The following OSBPL3 variants were observed in gnomAD, a reference collection of about 807,000 sequenced individuals.
OSBPL3 encodes oxysterol-binding protein-related protein 3.
In OSBPL3, 65 loss-of-function variants were observed where a neutral mutation model predicts 120.1. The ratio of observed to expected loss-of-function variants is 0.54; its 90% CI spans 0.44 to 0.67. The LOEUF (loss-of-function observed/expected upper bound fraction) is 0.67, where lower values mean the gene tolerates loss of function less well. Among genes scored for constraint, OSBPL3 ranks in the 30% least tolerant of loss-of-function variants. The probability of loss-of-function intolerance (pLI) is 0.00; values close to 1 mark genes in which losing one functional copy is unlikely to be tolerated. For synonymous variants in OSBPL3, 416 were observed against 402.6 expected, an observed-to-expected ratio of 1.03 and a Z score of -0.40; for missense variants, 1,004 against 1,082.1, an observed-to-expected ratio of 0.93 and a Z score of 1.01.
rs533429335 is a variant in OSBPL3 at position 24,862,896 on chromosome 7, C to G, written c.870+304G>C. Among the ~76,000 whole-genome samples, 1 of 152,294 alleles carries G rather than the reference C, an allele frequency of 6.6e-6. No individual in the cohort carries two copies. Among genetic ancestry groups the G allele is most frequent in the African/African-American group, 2.4e-5 (1 of 41,570 alleles). ...GCACAAACACAAGCAGGGAAGAGCACAGGCAGGCTCAACAGTGAAGGTGGG... is the reference window on the plus strand; with the variant it reads ...GCACAAACACAAGCAGGGAAGAGCAGAGGCAGGCTCAACAGTGAAGGTGGG... On this transcript the variant is annotated intron_variant, in intron 9 of 22. Transcript: ENST00000313367. This position sits in a 1 kb window ranked among gnomAD's most constrained non-coding sequence, Gnocchi z 4.4.
chr7:24,941,776 G>C lies in OSBPL3; in HGVS notation c.-150+38110C>G, dbSNP rs2128483354. Among the ~76,000 whole-genome samples the C allele has an allele frequency of 2.0e-5, 3 of 152,302 alleles. No individual in the cohort carries two copies. The South Asian group carries it at 6.2e-4, about 32-fold the overall frequency. On this transcript the variant is annotated intron_variant, in intron 1 of 22. Transcript: ENST00000313367. ...CTGAAGTGTAATACATCATTGCATGGAATTCTAAATGCAAAACTTGTGAAC... is the reference window on the plus strand; with the variant it reads ...CTGAAGTGTAATACATCATTGCATGCAATTCTAAATGCAAAACTTGTGAAC...
chr7:24,919,951 C>T (rs917018881), intron 1 of OSBPL3, among the ~76,000 whole-genome samples: 9 of 151,862 alleles, frequency 5.9e-5, no homozygotes, highest in Admixed American at 5.9e-4. Context: ...AAATCAAAAC[C>T]ACAATGATGT....
intron 19 of OSBPL3, 47 bp from the exon 20 acceptor site, chr7:24,809,998 T>C (rs1793572965): frequency 6.2e-7 from 1 of 1,600,742 alleles, no homozygotes; most frequent in Non-Finnish European, 8.6e-7. Flanking sequence ...CATCAGCTTA[T>C]TACAGATATT....
At position 24,865,334 on chromosome 7, in the gene OSBPL3, C is replaced by A; in HGVS notation, c.673+8G>T. The A allele has an allele frequency of 1.2e-6, 2 of 1,613,502 alleles. No homozygotes were observed. Among genetic ancestry groups the A allele is most frequent in the South Asian group, 2.2e-5 (2 of 90,936 alleles). On this transcript the variant is annotated splice_region_variant and intron_variant, in intron 7 of 22. Coordinates refer to ENST00000313367, the MANE Select transcript of OSBPL3 (RefSeq NM_015550.4). ...ACAACAGAAAGCAGACGTTTCAAGT[C>A]ACTCTACCTTTGGAGCATTTTTCCA...
rs978319267 is a variant in OSBPL3 at position 24,953,597 on chromosome 7, T to G, written c.-150+26289A>C. ...TAGGCACATTAGGAAGCAGTCAGAT[T>G]GTATCAGTGATCAAACAGTTCAGAC... On this transcript the variant is annotated intron_variant, in intron 1 of 22. Coordinates refer to ENST00000313367, the MANE Select transcript of OSBPL3 (RefSeq NM_015550.4). This position sits in a 1 kb window ranked among gnomAD's most constrained non-coding sequence, Gnocchi z 4.3. Among the ~76,000 whole-genome samples, 1 of 152,190 alleles carries G rather than the reference T, an allele frequency of 6.6e-6. No individual in the cohort carries two copies. Among genetic ancestry groups the G allele is most frequent in the Non-Finnish European group, 1.5e-5 (1 of 68,020 alleles).
rs1242232630 is a variant in OSBPL3, at chr7:24,803,146, G to A, written c.2567+1169C>T. On this transcript the variant is annotated intron_variant, in intron 22 of 22. Coordinates refer to ENST00000313367, the MANE Select transcript of OSBPL3 (RefSeq NM_015550.4). The surrounding 1 kb of genome is among the most constrained non-coding windows in gnomAD (Gnocchi z 4.2). ...TGTTATTAATAACTAAATCCTAAAA[G>A]TACTTCTGTTGTCCACTAAAAACAA... Among the ~76,000 whole-genome samples the A allele has an allele frequency of 6.6e-6, 1 of 152,102 alleles. No homozygotes were observed. Among genetic ancestry groups the A allele is most frequent in the Non-Finnish European group, 1.5e-5 (1 of 68,020 alleles).
Position 24,898,699 on chromosome 7 carries a change from CTGGA to C in OSBPL3, c.-149-6082_-149-6079del, listed in dbSNP as rs1478016640. ...AATGGTATCTGGCTGTCAGTTTAGG[CTGGA>C]ACCATTTATTTGTCATCACTGAGTA... is the stretch of plus-strand genomic sequence containing the variant. On this transcript the variant is annotated intron_variant, in intron 1 of 22. Coordinates refer to ENST00000313367, the MANE Select transcript of OSBPL3 (RefSeq NM_015550.4). This position sits in a 1 kb window ranked among gnomAD's most constrained non-coding sequence, Gnocchi z 4.3. Among the ~76,000 whole-genome samples, 3 of 152,130 alleles carry C rather than the reference CTGGA, an allele frequency of 2.0e-5. No individual in the cohort carries two copies. The highest frequency in any genetic ancestry group is 2.4e-5 in the African/African-American group (1 of 41,420).
intron 2 of OSBPL3, among the ~76,000 whole-genome samples, chr7:24,889,854 G>A (rs1805081444): frequency 6.6e-6 from 1 of 152,206 alleles, no homozygotes; most frequent in South Asian, 2.1e-4. Context: ...AGGGAGAGGT[G>A]AGAAGGGAGA....
At chr7:24,960,961 A>T (rs1815661877) in intron 1 of OSBPL3, among the ~76,000 whole-genome samples, 1 of 152,240 alleles carries the variant, frequency 6.6e-6, no homozygotes, top group Non-Finnish European at 1.5e-5. Context: ...GAAATTTGCA[A>T]AAGGCAGGTA....
chr7:24,979,715 A>G (rs1235254563), intron 1 of OSBPL3, among the ~76,000 whole-genome samples, 171 bp downstream of exon 1: 2 of 151,960 alleles, frequency 1.3e-5, no homozygotes, highest in Non-Finnish European at 2.9e-5. Flanking sequence ...CCGGCACCCA[A>G]GCTCCCAGGC....
intron 1 of OSBPL3, among the ~76,000 whole-genome samples, chr7:24,949,500 C>T (rs1438592309): frequency 2.6e-5 from 4 of 152,150 alleles, no homozygotes; most frequent in African/African-American, 9.7e-5. Context: ...ATAATCAATC[C>T]ATTTTGGATG....
chr7:24,893,736 C>T (rs1039614806), intron 1 of OSBPL3, among the ~76,000 whole-genome samples: 9 of 57,076 alleles, frequency 1.6e-4, no homozygotes, highest in South Asian at 6.0e-4. Flanking sequence ...CGCTTGAAAC[C>T]GGGCGGCGGG....
intron 1 of OSBPL3, among the ~76,000 whole-genome samples, chr7:24,925,800 A>G (rs1264268673): frequency 6.6e-6 from 1 of 152,224 alleles, no homozygotes; most frequent in Non-Finnish European, 1.5e-5. Flanking sequence ...TTAAACCTCA[A>G]TGTTGCTAGA....
intron 12 of OSBPL3, 50 bp from the exon 13 acceptor site, chr7:24,842,463 G>C: frequency 7.2e-7 from 1 of 1,385,578 alleles, no homozygotes; most frequent in Non-Finnish European, 1.0e-6. Context: ...ACATTCTCAA[G>C]AGAAAGAAAA....
chr7:24,917,446 T>TATATATATTTGTAACAAATATATATATAC (rs1366145573), intron 1 of OSBPL3, among the ~76,000 whole-genome samples: 1 of 122,230 alleles, frequency 8.2e-6, no homozygotes, highest in East Asian at 2.5e-4. Context: ...TATATATATA[T>TATATATATTTGTAACAAATATATATATAC]ACACACACAT....
Position 24,817,529 on chromosome 7 carries a change from C to T in OSBPL3, c.1949-841G>A, listed in dbSNP as rs1859118. On this transcript the variant is annotated intron_variant, in intron 17 of 22. Coordinates refer to ENST00000313367, the MANE Select transcript of OSBPL3 (RefSeq NM_015550.4). The surrounding 1 kb of genome is among the most constrained non-coding windows in gnomAD (Gnocchi z 4.0). ...AAAAAAAACAAAACAAAACTGAAAACGAAAAACAATGGGCTCTCCAAGCCT... is the reference window on the plus strand; with the variant it reads ...AAAAAAAACAAAACAAAACTGAAAATGAAAAACAATGGGCTCTCCAAGCCT... Among the ~76,000 whole-genome samples the T allele has an allele frequency of 0.16, 23,785 of 151,916 alleles. 2,444 individuals are homozygous for T. Among genetic ancestry groups the T allele is most frequent in the Non-Finnish European group, 0.22 (14,911 of 67,916 alleles).
chr7:24,967,162 C>A lies in OSBPL3; in HGVS notation c.-150+12724G>T, dbSNP rs904802215. ...ATCCCTCCTTCCCACAGTGTACACA[C>A]AGAAATCTTCCAATCATACAACATT... is the stretch of plus-strand genomic sequence containing the variant. On this transcript the variant is annotated intron_variant, in intron 1 of 22. Coordinates refer to ENST00000313367, the MANE Select transcript of OSBPL3 (RefSeq NM_015550.4). This position sits in a 1 kb window ranked among gnomAD's most constrained non-coding sequence, Gnocchi z 5.6. 5.9e-5 allele frequency among the ~76,000 whole-genome samples: 9 copies of A among 152,298 alleles called. No individual in the cohort carries two copies. The East Asian group carries it at 1.7e-3, about 29-fold the overall frequency.
chr7:24,810,117 T>G, intron 19 of OSBPL3, 166 bp from the exon 20 acceptor site: 3 of 637,780 alleles, frequency 4.7e-6, no homozygotes, highest in Non-Finnish European at 8.2e-6. Context: ...AATAAAAAAT[T>G]TATATATTTA....
intron 1 of OSBPL3, among the ~76,000 whole-genome samples, chr7:24,915,502 C>G (rs1010689789): frequency 7.3e-5 from 11 of 151,524 alleles, no homozygotes; most frequent in African/African-American, 1.9e-4. Context: ...GAAATGTTTC[C>G]AAATTCAAGG....
Sources: gnomAD v4.1 joint callset for allele counts (sites outside exome capture counted in the v4.1 genomes callset) on GRCh38, gnomAD v4.1.1 for gene constraint, Gnocchi (gnomAD v3.1) non-coding constraint, MANE v1.5 for transcripts, NCBI Gene and HGNC (gene_info 2026-07-23, HGNC 2026-07-21) for gene names.